Variants in PALM2AKAP2 observed in about 807,000 individuals in gnomAD.
PALM2AKAP2 encodes PALM2 and AKAP2 fusion, also known as PALM2-AKAP2 fusion protein.
Under a neutral mutation model 71.5 loss-of-function variants are expected in PALM2AKAP2, and 37 were observed. The observed-to-expected ratio is 0.52, with a 90% CI of 0.40 to 0.68. PALM2AKAP2 has a LOEUF of 0.68. PALM2AKAP2 is among the 30% of genes least tolerant of loss of function. The pLI, the probability that PALM2AKAP2 is intolerant of heterozygous loss-of-function variation, is 0.00. For synonymous variants in PALM2AKAP2, 468 were observed against 478.8 expected (o/e 0.98, Z 0.29); for missense variants, 1,224 against 1,191.8 (o/e 1.03, Z -0.40).
intron 1 of PALM2AKAP2, among the ~76,000 whole-genome samples, chr9:109,804,336 C>T (rs1377812022): frequency 2.0e-5 from 3 of 152,156 alleles, no homozygotes; most frequent in Non-Finnish European, 4.4e-5. Context: ...ATTCAGTTTG[C>T]ACACAATTGG....
At chr9:109,859,503 C>G (rs906903146) in intron 1 of PALM2AKAP2, among the ~76,000 whole-genome samples, 1 of 152,160 alleles carries the variant, frequency 6.6e-6, no homozygotes, top group African/African-American at 2.4e-5. Context: ...TATTATACAT[C>G]CTATGCATGT....
rs540269652 is a variant in PALM2AKAP2 at position 110,016,165 on chromosome 9, C to A, written c.582+126C>A. 5 of 905,396 alleles carry A rather than the reference C, an allele frequency of 5.5e-6. No homozygotes were observed. The East Asian group carries it at 1.1e-4, about 20-fold the overall frequency. The allele number at this position is 905,396 out of a possible 1,614,324, so 56.1% of individuals were successfully genotyped here. On this transcript the variant is annotated intron_variant, in intron 7 of 9. Transcript: ENST00000302798. ...CTTGCTAGAGTTCTCTCTCTACTCA[C>A]TGAGGTCTTAGGGAGGCAACCGTAC...
At chr9:109,968,897 G>A (rs1378960922) in intron 6 of PALM2AKAP2, among the ~76,000 whole-genome samples, 2 of 152,120 alleles carry the variant, frequency 1.3e-5, no homozygotes, top group Non-Finnish European at 2.9e-5. Context: ...CAGATTCCAG[G>A]GAGTGACCCC....
intron 1 of PALM2AKAP2, 41 bp from the exon 2 acceptor site, chr9:109,867,450 C>T: frequency 1.2e-6 from 2 of 1,605,396 alleles, no homozygotes; most frequent in African/African-American, 1.3e-5. Flanking sequence ...CTGGAGCCAA[C>T]ACCCACCCAC....
At chr9:109,862,326 A>G (rs1308879823) in intron 1 of PALM2AKAP2, among the ~76,000 whole-genome samples, 2 of 152,244 alleles carry the variant, frequency 1.3e-5, no homozygotes, top group Admixed American at 6.5e-5. Context: ...GGCTTCATGC[A>G]TGACTAGATC....
At chr9:110,120,762 C>T (rs1017565716) in intron 1 of PALM2AKAP2, among the ~76,000 whole-genome samples, 3 of 152,242 alleles carry the variant, frequency 2.0e-5, no homozygotes, top group Non-Finnish European at 4.4e-5. Context: ...GGCTTGGCCT[C>T]CCAAAGTGCC....
At chr9:109,899,003 G>T (rs1291780855) in intron 3 of PALM2AKAP2, among the ~76,000 whole-genome samples, 1 of 152,144 alleles carries the variant, frequency 6.6e-6, no homozygotes, top group Admixed American at 6.5e-5. Context: ...TGAGGTTCTT[G>T]ACTTGGGGCT....
chr9:110,109,948 G>A (rs1030293437), intron 1 of PALM2AKAP2, among the ~76,000 whole-genome samples: 1 of 152,150 alleles, frequency 6.6e-6, no homozygotes, highest in Non-Finnish European at 1.5e-5. Context: ...GGAGGGGAGG[G>A]GGATTGGGGA....
intron 1 of PALM2AKAP2, among the ~76,000 whole-genome samples, chr9:109,709,118 G>C (rs887658096): frequency 2.0e-5 from 3 of 152,148 alleles, no homozygotes; most frequent in African/African-American, 7.2e-5. Context: ...GGGAATACTG[G>C]GGGAATCCAA....
At chr9:110,152,945 T>C (rs1166745442) in intron 2 of PALM2AKAP2, among the ~76,000 whole-genome samples, 1 of 152,096 alleles carries the variant, frequency 6.6e-6, no homozygotes, top group East Asian at 1.9e-4. Context: ...CATAGTGTCT[T>C]CTCTCTCTGG....
chr9:109,764,797 C>T (rs549348709), intron 1 of PALM2AKAP2, among the ~76,000 whole-genome samples: 28 of 140,340 alleles, frequency 2.0e-4, no homozygotes, highest in African/African-American at 6.2e-4. Context: ...GATGAATGAA[C>T]GGATAAAGGG....
chr9:109,875,537 T>C (rs1811179614), intron 2 of PALM2AKAP2, among the ~76,000 whole-genome samples: 1 of 152,136 alleles, frequency 6.6e-6, no homozygotes, highest in Non-Finnish European at 1.5e-5. Flanking sequence ...TTCTTTTAGA[T>C]TATGGTGTTT....
At chr9:109,687,587 T>C (rs1461078600) in intron 1 of PALM2AKAP2, among the ~76,000 whole-genome samples, 1 of 152,214 alleles carries the variant, frequency 6.6e-6, no homozygotes, top group Non-Finnish European at 1.5e-5. Context: ...AGAGCCTTGA[T>C]CTGGATTAGG....
At chr9:109,913,023 C>T (rs74649322) in intron 3 of PALM2AKAP2, among the ~76,000 whole-genome samples, 7,061 of 152,258 alleles carry the variant, frequency 0.046, 362 homozygotes, top group East Asian at 0.26. Flanking sequence ...ACCAAATCTA[C>T]AAGGAACCCT....
At chr9:110,054,265 G>C (rs1292027973) in intron 1 of PALM2AKAP2, among the ~76,000 whole-genome samples, 1 of 152,224 alleles carries the variant, frequency 6.6e-6, no homozygotes, top group African/African-American at 2.4e-5. Flanking sequence ...CGGGTGTGGT[G>C]GCGCATGCCT....
intron 1 of PALM2AKAP2, among the ~76,000 whole-genome samples, chr9:109,789,926 G>T (rs1564149480): frequency 6.6e-6 from 1 of 152,074 alleles, no homozygotes; most frequent in East Asian, 1.9e-4. Flanking sequence ...GACAGACACA[G>T]AGACAAGACT....
At chr9:109,827,492 C>T (rs1251111288) in intron 1 of PALM2AKAP2, among the ~76,000 whole-genome samples, 3 of 152,070 alleles carry the variant, frequency 2.0e-5, no homozygotes, top group Admixed American at 6.5e-5. Context: ...GCCTGTAGTC[C>T]CAGCTACTCA....
intron 3 of PALM2AKAP2, among the ~76,000 whole-genome samples, chr9:109,920,970 T>A (rs535073599): frequency 1.2e-3 from 182 of 152,312 alleles, no homozygotes; most frequent in Non-Finnish European, 2.3e-3. Context: ...CATGTCTCTT[T>A]ACTTACTCCC....
chr9:110,138,156 T>C (rs1325616976), exon 2 of PALM2AKAP2: 1 of 1,613,916 alleles, frequency 6.2e-7, no homozygotes, highest in Non-Finnish European at 8.5e-7. Flanking sequence ...AGGGATGTAT[T>C]ACCAAAGATT....
Sources: gnomAD v4.1 joint callset for allele counts (sites outside exome capture counted in the v4.1 genomes callset) on GRCh38, gnomAD v4.1.1 for gene constraint, MANE v1.5 for transcripts, NCBI Gene and HGNC (gene_info 2026-07-23, HGNC 2026-07-21) for gene names.